KIAA1210: variants seen among roughly 807,000 people sequenced by gnomAD.
KIAA1210 encodes acrosomal protein KIAA1210.
A neutral mutation model predicts 78.9 loss-of-function variants in KIAA1210; 48 were observed. The ratio of observed to expected loss-of-function variants is 0.61; its 90% CI spans 0.48 to 0.77. KIAA1210 has a LOEUF of 0.77. Ranked by LOEUF, KIAA1210 falls within the 30% of genes least tolerant of loss-of-function variation. KIAA1210 has a pLI of 0.00. For missense variants in KIAA1210, 1,108 were observed against 1,100.0 expected, an observed-to-expected ratio of 1.01 and a Z score of -0.10; for synonymous variants, 406 against 404.5, an observed-to-expected ratio of 1.00 and a Z score of -0.04.
rs17335909 is a variant in KIAA1210, at chrX:119,088,136, G to A, written c.2566C>T (p.Arg856Trp). 5.4e-3 allele frequency: 6,545 copies of A among 1,209,759 alleles called. 201 individuals are homozygous for A. In the Admixed American group the frequency reaches 0.08, roughly 15 times the overall value. The change falls in exon 9 of 12, where the codon CGG (arginine) becomes TGG (tryptophan). Residue 856 changes from arginine (R) to tryptophan (W), a missense_variant. Coordinates refer to ENST00000691062, the MANE Select transcript of KIAA1210 (RefSeq NM_001394962.1). ...ACAGCTGTGCTTTCTGAGATTTGCC[G>A]GATTTGAGGATCTGTCAAGGACTGA... ...SPQSLTDPQI[R>W]QISESTAVEE...
At chrX:119,098,604 C>CAAAAAAAAAAAAAAA (rs747325732) in intron 6 of KIAA1210, among the ~76,000 whole-genome samples, 1 of 39,835 alleles carries the variant, frequency 2.5e-5, no homozygotes, top group Non-Finnish European at 5.0e-5. Flanking sequence ...GAGACTCCGT[C>CAAAAAAAAAAAAAAA]AAAAAAAAAA....
chrX:119,087,866 G>A lies in KIAA1210; in HGVS notation c.2836C>T (p.His946Tyr). 3.3e-6 allele frequency: 4 copies of A among 1,211,683 alleles called. No individual in the cohort carries two copies. Among genetic ancestry groups the A allele is most frequent in the Non-Finnish European group, 4.5e-6 (4 of 895,247 alleles). The stretch of plus-strand genomic sequence containing the variant: ...TTTCCCACAGTCAACTGGGAAAGAT[G>A]TCTGGGAAGCAGCTGCTCCTTAGAA... ...DISKEQLLPR[H>Y]LSQLTVGNKV... The change falls in exon 9 of 12, where the codon CAT becomes TAT. Residue 946 changes from histidine (H) to tyrosine (Y), a missense_variant. His to Tyr is a moderately conservative substitution (Grantham distance 83). Around this residue, in one of 5 missense-constraint regions of KIAA1210, gnomAD observed 179 missense variants for 174.1 expected, o/e 1.03. Transcript: ENST00000691062.
chrX:119,142,596 G>T (rs944478451), intron 2 of KIAA1210, among the ~76,000 whole-genome samples: 1 of 109,393 alleles, frequency 9.1e-6, no homozygotes, highest in Non-Finnish European at 1.9e-5. Context: ...TGGCCAACAT[G>T]GTGAAACCCC....
chrX:119,119,997 AAAG>A (rs1450602303), intron 2 of KIAA1210, among the ~76,000 whole-genome samples: 10 of 63,227 alleles, frequency 1.6e-4, no homozygotes, highest in South Asian at 9.3e-4. Context: ...AAAAAAAAAG[AAAG>A]AAAGAAAAGA....
At chrX:119,133,079 C>T (rs12855822) in intron 2 of KIAA1210, among the ~76,000 whole-genome samples, 1 of 111,608 alleles carries the variant, frequency 9.0e-6, no homozygotes, top group East Asian at 2.8e-4. Context: ...GAGGGAGCGT[C>T]TGATGCCAGG....
intron 1 of KIAA1210, among the ~76,000 whole-genome samples, chrX:119,148,449 T>A (rs1929218659): frequency 8.9e-6 from 1 of 111,824 alleles, no homozygotes; most frequent in Admixed American, 9.5e-5. Context: ...CAGGGTCTTG[T>A]CAGATTTTAA....
chrX:119,108,593 G>T (rs1247052787), intron 4 of KIAA1210, 122 bp from the exon 5 acceptor site: 3 of 858,796 alleles, frequency 3.5e-6, no homozygotes. Flanking sequence ...GGCCAGGCAC[G>T]GTGGCTCGCG....
intron 8 of KIAA1210, among the ~76,000 whole-genome samples, chrX:119,093,078 G>A (rs1479881487): frequency 8.9e-6 from 1 of 111,864 alleles, no homozygotes; most frequent in Non-Finnish European, 1.9e-5. Context: ...CACACAGAGA[G>A]ATTTTCACTC....
Position 119,132,828 on chromosome X carries a change from G to T in KIAA1210, c.411-9176C>A, listed in dbSNP as rs370320843. On this transcript the variant is annotated intron_variant, in intron 2 of 13. Coordinates refer to the KIAA1210 transcript ENST00000402510. ...TTAAAAAACTTTTCTTGTTGGGGGG[G>T]TCTTGCTATGTTGCCCAGGCTGGTC... 4.8e-4 allele frequency among the ~76,000 whole-genome samples: 54 copies of T among 111,385 alleles called. 1 individual carries two copies. The highest frequency in any genetic ancestry group is 4.8e-3 in the East Asian group (17 of 3,537).
intron 3 of KIAA1210, among the ~76,000 whole-genome samples, chrX:119,111,118 TGA>T (rs1406567217): frequency 9.0e-6 from 1 of 111,411 alleles, no homozygotes; most frequent in Non-Finnish European, 1.9e-5. Flanking sequence ...GAAATAGAGT[TGA>T]GAGTTCAGAA....
intron 6 of KIAA1210, among the ~76,000 whole-genome samples, chrX:119,100,553 G>T (rs939164182): frequency 2.7e-5 from 3 of 110,950 alleles, no homozygotes; most frequent in African/African-American, 9.8e-5. Flanking sequence ...AACCCAATCT[G>T]CATATTATTT....
intron 1 of KIAA1210, among the ~76,000 whole-genome samples, chrX:119,123,934 G>C (rs1928542234): frequency 9.0e-6 from 1 of 111,422 alleles, no homozygotes. Flanking sequence ...GTTTTGTTTT[G>C]GTGGGGGGGG....
intron 2 of KIAA1210, among the ~76,000 whole-genome samples, chrX:119,122,264 T>A (rs1056554675): frequency 9.2e-6 from 1 of 108,428 alleles, no homozygotes; most frequent in Non-Finnish European, 1.9e-5. Context: ...GAGACAGGGT[T>A]TCACCGTGTT....
At chrX:119,134,224 A>G (rs1377321521) in intron 2 of KIAA1210, among the ~76,000 whole-genome samples, 1 of 111,626 alleles carries the variant, frequency 9.0e-6, no homozygotes, top group Non-Finnish European at 1.9e-5. Flanking sequence ...GAGAACATGT[A>G]TTATTTGCCT....
chrX:119,093,458 T>C (rs1360607331), intron 8 of KIAA1210, among the ~76,000 whole-genome samples: 1 of 112,205 alleles, frequency 8.9e-6, no homozygotes, highest in Admixed American at 9.4e-5. Context: ...TATGATCCTT[T>C]ACCTGAACCC....
rs766113858 is a variant in KIAA1210, at chrX:119,088,610, G to T, written c.2092C>A (p.Pro698Thr). The T allele has an allele frequency of 8.3e-7, 1 of 1,211,543 alleles. No homozygotes were observed. Among genetic ancestry groups the T allele is most frequent in the South Asian group, 1.8e-5 (1 of 56,893 alleles). The change falls in exon 9 of 12, where the codon CCT (proline) becomes ACT (threonine). Residue 698 changes from proline (P) to threonine (T), a missense_variant. Pro to Thr is a conservative substitution (Grantham distance 38). Coordinates refer to ENST00000691062, the MANE Select transcript of KIAA1210 (RefSeq NM_001394962.1). ...DDCSSSEEDL[P>T]LRHPAQALGK... ...AAGGCCTGAGCAGGGTGTCTGAGAG[G>T]CAGGTCTTCCTCTGAGCTGCTGCAA...
intron 7 of KIAA1210, among the ~76,000 whole-genome samples, chrX:119,095,809 A>T (rs1927534433): frequency 8.9e-6 from 1 of 112,461 alleles, no homozygotes; most frequent in South Asian, 3.7e-4. Context: ...AAAATTATCT[A>T]TTACATTGGA....
chrX:119,138,863 G>T (rs1458482933), intron 2 of KIAA1210, among the ~76,000 whole-genome samples: 3 of 111,834 alleles, frequency 2.7e-5, no homozygotes, highest in Non-Finnish European at 5.6e-5. Flanking sequence ...CCCGGGAGAA[G>T]CTCCTAAATG....
In KIAA1210 at chrX:119,089,081, A is replaced by T. The variant is rs1603265386; in HGVS notation, c.1621T>A (p.Ser541Thr). ...AFSFDLQKAQ[S>T]KMESAQDVQT... ...ACATCCTGGGCTGACTCCATTTTGG[A>T]TTGGGCCTTTTGTAAATCAAAGCTG... The change falls in exon 9 of 12, where the codon TCC (serine) becomes ACC (threonine). Residue 541 changes from serine to threonine, a missense_variant. Physicochemically the swap from Ser to Thr is moderately conservative, Grantham distance 58. Coordinates refer to ENST00000691062, the MANE Select transcript of KIAA1210 (RefSeq NM_001394962.1). 1.7e-6 allele frequency: 2 copies of T among 1,210,240 alleles called. No homozygotes were observed. The highest frequency in any genetic ancestry group is 4.6e-4 in the Middle Eastern group (2 of 4,354).
Sources: gnomAD v4.1 joint callset for allele counts (sites outside exome capture counted in the v4.1 genomes callset) on GRCh38, gnomAD v4.1.1 for gene constraint, gnomAD v4.1.1 regional missense constraint, MANE v1.5 for transcripts, NCBI Gene and HGNC (gene_info 2026-07-23, HGNC 2026-07-21) for gene names.